NME9: variants seen among roughly 807,000 people sequenced by gnomAD.
The protein encoded by NME9 is NME/NM23 family member 9, also known as thioredoxin domain-containing protein 6.
NME9 carries 48 observed loss-of-function variants against 44.4 expected under a neutral mutation model. The ratio of observed to expected loss-of-function variants is 1.08; its 90% CI spans 0.86 to 1.37. NME9 has a LOEUF of 1.37. Ranked by LOEUF, NME9 falls within the 40% of genes most tolerant of loss-of-function variation. The pLI, the probability that NME9 is intolerant of heterozygous loss-of-function variation, is 0.00. For synonymous variants in NME9, 139 were observed against 147.1 expected, an observed-to-expected ratio of 0.94 and a Z score of 0.40; for missense variants, 325 against 405.2, an observed-to-expected ratio of 0.80 and a Z score of 1.70.
At chr3:138,305,425 C>T (rs1392664891) in intron 8 of NME9, among the ~76,000 whole-genome samples, 1 of 152,254 alleles carries the variant, frequency 6.6e-6, no homozygotes, top group East Asian at 1.9e-4. Context: ...TGCCTCACAA[C>T]CCTTCCTCCC....
intron 8 of NME9, among the ~76,000 whole-genome samples, chr3:138,263,353 G>A (rs2047939074): frequency 6.6e-6 from 1 of 152,222 alleles, no homozygotes; most frequent in African/African-American, 2.4e-5. Context: ...TGAGGGCTGA[G>A]CATGGACTGT....
intron 8 of NME9, among the ~76,000 whole-genome samples, chr3:138,270,448 A>G (rs1368526986): frequency 6.6e-6 from 1 of 152,226 alleles, no homozygotes; most frequent in East Asian, 1.9e-4. Context: ...CACCTACTTT[A>G]CAAAGCACTT....
At chr3:138,263,945 A>C in intron 8 of NME9, 1 of 1,037,324 alleles carries the variant, frequency 9.6e-7, no homozygotes, top group Non-Finnish European at 1.5e-6. Flanking sequence ...AGGTGAATTC[A>C]TAGAGTATAT....
intron 2 of NME9, among the ~76,000 whole-genome samples, chr3:138,321,487 C>CCA (rs771419707): frequency 6.6e-6 from 1 of 152,330 alleles, no homozygotes; most frequent in South Asian, 2.1e-4. Flanking sequence ...CCTCTTAAAA[C>CCA]CATTACTTTG....
intron 6 of NME9, among the ~76,000 whole-genome samples, chr3:138,312,431 G>A (rs961618431): frequency 3.3e-5 from 5 of 151,916 alleles, no homozygotes; most frequent in African/African-American, 9.7e-5. Context: ...ACAGAATAGC[G>A]AACCCAGATG....
chr3:138,261,757 T>A (rs1461982687), exon 9 of NME9: 1 of 152,150 alleles, frequency 6.6e-6, no homozygotes, highest in East Asian at 1.9e-4. Context: ...AAGGTAGTTT[T>A]TGGATCAAGG....
chr3:138,282,632 T>C (rs1437809375), intron 8 of NME9, among the ~76,000 whole-genome samples: 1 of 123,002 alleles, frequency 8.1e-6, no homozygotes, highest in Non-Finnish European at 1.6e-5. Context: ...TGAGACTCCA[T>C]CTCAAAAAAA....
downstream of NME9, among the ~76,000 whole-genome samples, chr3:138,299,225 C>T (rs1213698342): frequency 6.6e-6 from 1 of 152,132 alleles, no homozygotes; most frequent in Non-Finnish European, 1.5e-5. Flanking sequence ...GCTGAGGGAA[C>T]CCCCCAAGGG....
intron 8 of NME9, among the ~76,000 whole-genome samples, chr3:138,288,786 C>G (rs759318762): frequency 2.2e-4 from 34 of 151,972 alleles, no homozygotes; most frequent in Non-Finnish European, 4.0e-4. Flanking sequence ...TACAGGCGCC[C>G]GCCACTACAC....
downstream of NME9, chr3:138,296,914 T>C (rs1204347807): frequency 1.3e-5 from 2 of 152,168 alleles, no homozygotes; most frequent in Non-Finnish European, 2.9e-5. Context: ...TCATGGAAAC[T>C]TGTGCTCAAA....
chr3:138,264,799 A>G (rs1305300398), intron 8 of NME9, among the ~76,000 whole-genome samples: 1 of 146,458 alleles, frequency 6.8e-6, no homozygotes, highest in African/African-American at 2.4e-5. Flanking sequence ...TTAACCTTAT[A>G]TCCAGAATTA....
At chr3:138,302,503 G>A (rs2051917279) in intron 10 of NME9, among the ~76,000 whole-genome samples, 1 of 152,176 alleles carries the variant, frequency 6.6e-6, no homozygotes, top group South Asian at 2.1e-4. Context: ...TCTGAGGGCA[G>A]GTCCCAGAGG....
At chr3:138,287,596 T>G (rs1222344411) in intron 8 of NME9, 1 of 456,320 alleles carries the variant, frequency 2.2e-6, no homozygotes, top group Non-Finnish European at 4.4e-6. Flanking sequence ...TGTCTGAGGC[T>G]GGGAGCAGAT....
At chr3:138,297,840 C>CTA (rs1416611850), downstream of NME9, 2 of 152,156 alleles carry the variant, frequency 1.3e-5, no homozygotes, top group African/African-American at 4.8e-5. Flanking sequence ...ACACAAAACA[C>CTA]TATAGTGTTG....
At chr3:138,267,807 T>C (rs2048413118) in intron 8 of NME9, among the ~76,000 whole-genome samples, 1 of 152,256 alleles carries the variant, frequency 6.6e-6, no homozygotes, top group Non-Finnish European at 1.5e-5. Flanking sequence ...CAGTTAGTTT[T>C]ATTATGTCAT....
At chr3:138,304,342 G>T (rs2052073738) in intron 9 of NME9, among the ~76,000 whole-genome samples, 1 of 152,230 alleles carries the variant, frequency 6.6e-6, no homozygotes, top group Admixed American at 6.5e-5. Flanking sequence ...CCAAGGTAAA[G>T]TGGATTTGGA....
intron 6 of NME9, 104 bp downstream of exon 6, chr3:138,314,228 C>T (rs2108447740): frequency 1.7e-6 from 1 of 605,738 alleles, no homozygotes; most frequent in Non-Finnish European, 2.9e-6. Context: ...AAAATCTTCT[C>T]ATAGTTCAGA....
Position 138,329,288 on chromosome 3 carries a change from C to A in NME9, c.33+15G>T. 6.5e-7 allele frequency: 1 copy of A among 1,535,304 alleles called. No homozygotes were observed. Among genetic ancestry groups the A allele is most frequent in the Non-Finnish European group, 8.7e-7 (1 of 1,146,166 alleles). On this transcript the variant is annotated intron_variant, in intron 1 of 10. Transcript: ENST00000333911. ...CCCAACCCAGAGCTGGAAGCTAGCG[C>A]CCCTTGAGGCTTACCTGCAGGGCAA...
intron 8 of NME9, chr3:138,287,980 T>G (rs1330322111): frequency 5.7e-6 from 1 of 174,100 alleles, no homozygotes; most frequent in Non-Finnish European, 1.2e-5. Flanking sequence ...TTTCAGTACA[T>G]AAAGCAAAAT....
Sources: allele counts gnomAD v4.1 joint callset (sites outside exome capture counted in the v4.1 genomes callset), GRCh38; gene constraint gnomAD v4.1.1; transcripts MANE v1.5; gene names NCBI Gene and HGNC (gene_info 2026-07-23, HGNC 2026-07-21).